STK24: variants seen among roughly 807,000 people sequenced by gnomAD.
The protein encoded by STK24 is serine/threonine-protein kinase 24.
A neutral mutation model predicts 55.6 loss-of-function variants in STK24; 21 were observed. The observed-to-expected ratio is 0.38, with a 90% CI of 0.27 to 0.54. STK24 has a LOEUF of 0.54. Ranked by LOEUF, STK24 falls within the 20% of genes least tolerant of loss-of-function variation. The pLI is 0.79. For synonymous variants in STK24, 200 were observed against 215.2 expected (o/e 0.93, Z 0.62); for missense variants, 383 against 538.4 (o/e 0.71, Z 2.86).
chr13:98,488,574 C>T (rs546609429), intron 2 of STK24, among the ~76,000 whole-genome samples: 31 of 152,062 alleles, frequency 2.0e-4, no homozygotes, highest in East Asian at 1.2e-3. Context: ...TGGGAAAGTT[C>T]GCCTTCTGTA....
intron 2 of STK24, among the ~76,000 whole-genome samples, chr13:98,494,143 G>A (rs1165763540): frequency 6.9e-6 from 1 of 145,892 alleles, no homozygotes; most frequent in Non-Finnish European, 1.5e-5. Flanking sequence ...CGGGCACGGT[G>A]GCTCAAGCCT....
intron 2 of STK24, among the ~76,000 whole-genome samples, chr13:98,504,812 C>T (rs983928166): frequency 6.6e-6 from 1 of 152,168 alleles, no homozygotes; most frequent in African/African-American, 2.4e-5. Flanking sequence ...AAACAACAGC[C>T]TCCAGTACTC....
In STK24 at chr13:98,448,960, A is replaced by G. The variant is rs182924975; in HGVS notation, c.*4213T>C. On this transcript the variant is annotated 3_prime_UTR_variant, in exon 11 of 11. Transcript: ENST00000539966. ...CCAACCTACTTCTTGGTGCAAGTTG[A>G]CCAAATCGTTTTAAGTGGTAACTCT... 9 of 152,328 alleles carry G rather than the reference A, an allele frequency of 5.9e-5. No homozygotes were observed. The East Asian group carries it at 1.4e-3, about 23-fold the overall frequency. 9.4% of individuals were successfully genotyped at this position (152,328 alleles called of 1,614,324 possible). A position where few individuals can be genotyped will look rare whatever the true frequency, so the allele number is the denominator to read the frequency against.
At chr13:98,504,864 C>A (rs139386806) in intron 2 of STK24, among the ~76,000 whole-genome samples, 249 of 151,974 alleles carry the variant, frequency 1.6e-3, no homozygotes, top group African/African-American at 5.4e-3. Context: ...CAGGTTCGGG[C>A]TGATGAGGAA....
At chr13:98,497,969 A>G (rs1895310348) in intron 2 of STK24, among the ~76,000 whole-genome samples, 2 of 152,198 alleles carry the variant, frequency 1.3e-5, no homozygotes, top group African/African-American at 4.8e-5. Flanking sequence ...TCCCAAGCCC[A>G]CACCCCACTA....
rs1372795201 is a variant in STK24, at chr13:98,448,472, C to CCGACCT, written c.*4695_*4700dup. On this transcript the variant is annotated 3_prime_UTR_variant, in exon 11 of 11. Transcript: ENST00000539966. ...GTCTCCACAGCCGCGTTTTTTAACC[C>CCGACCT]CGACCTCTCAGCGTCTGAATGAACA... is the stretch of plus-strand genomic sequence containing the variant. The CCGACCT allele has an allele frequency of 3.1e-6, 2 of 635,154 alleles. No homozygotes were observed. Among genetic ancestry groups the CCGACCT allele is most frequent in the East Asian group, 5.6e-5 (2 of 36,000 alleles). The allele number at this position is 635,154 out of a possible 1,614,324, so 39.3% of individuals were successfully genotyped here.
At chr13:98,477,825 C>T (rs754099756) in intron 3 of STK24, among the ~76,000 whole-genome samples, 1 of 152,128 alleles carries the variant, frequency 6.6e-6, no homozygotes, top group Non-Finnish European at 1.5e-5. Context: ...AAAGCAACGG[C>T]AGAGCGGCCT....
chr13:98,542,102 C>T (rs893259372), intron 1 of STK24, among the ~76,000 whole-genome samples: 8 of 152,240 alleles, frequency 5.3e-5, no homozygotes, highest in African/African-American at 1.9e-4. Context: ...TTTCTTATCC[C>T]GACCTGAAGA....
chr13:98,490,015 T>C (rs1370143396), intron 2 of STK24, among the ~76,000 whole-genome samples: 1 of 152,118 alleles, frequency 6.6e-6, no homozygotes, highest in Admixed American at 6.5e-5. Context: ...GCACCCACAG[T>C]GGACAGGCAT....
At chr13:98,532,258 G>A (rs939293993) in intron 1 of STK24, among the ~76,000 whole-genome samples, 2 of 152,006 alleles carry the variant, frequency 1.3e-5, no homozygotes, top group African/African-American at 2.4e-5. Context: ...CAGGGGAGGA[G>A]GCACCTCCCG....
intron 6 of STK24, among the ~76,000 whole-genome samples, chr13:98,465,084 G>C (rs1302749854): frequency 6.6e-6 from 1 of 152,174 alleles, no homozygotes; most frequent in African/African-American, 2.4e-5. Context: ...CTTGAGGATG[G>C]CGATAGTGAC....
chr13:98,513,567 G>A (rs1895957093), intron 2 of STK24, among the ~76,000 whole-genome samples: 1 of 152,184 alleles, frequency 6.6e-6, no homozygotes, highest in Non-Finnish European at 1.5e-5. Flanking sequence ...AGATCTAGGT[G>A]GCTCGGTTCT....
rs567909342 is a variant in STK24, at chr13:98,471,859, C to T, written c.597+2962G>A. Among the ~76,000 whole-genome samples the T allele has an allele frequency of 1.1e-3, 161 of 152,292 alleles. 1 individual carries two copies. The highest frequency in any genetic ancestry group is 3.5e-3 in the African/African-American group (146 of 41,562). On this transcript the variant is annotated intron_variant, in intron 5 of 10. Coordinates refer to ENST00000539966, the MANE Select transcript of STK24 (RefSeq NM_001032296.4). ...TGTGAACCTAGGTGTGACTTGGGCA[C>T]GTGCCTTCATAACTACCATACAGAA...
chr13:98,488,160 G>GACACACACACAC lies in STK24; in HGVS notation c.274-5851_274-5840dup, dbSNP rs71213678. Among the ~76,000 whole-genome samples, 858 of 130,396 alleles carry GACACACACACAC rather than the reference G, an allele frequency of 6.6e-3. 10 individuals are homozygous for GACACACACACAC. Among genetic ancestry groups the GACACACACACAC allele is most frequent in the African/African-American group, 7.3e-3 (252 of 34,296 alleles). The allele number at this position is 130,396 out of a possible 152,430, so 85.5% of individuals were successfully genotyped here. Reference sequence around the variant, plus strand: ...GGCTGGTGTCATAAAAAGAGATGAAGACACACACACACACACACACACACA... The same window carrying GACACACACACAC: ...GGCTGGTGTCATAAAAAGAGATGAAGACACACACACACACACACACACACACACACACACACA... On this transcript the variant is annotated intron_variant, in intron 2 of 10. Coordinates refer to ENST00000539966, the MANE Select transcript of STK24 (RefSeq NM_001032296.4).
At chr13:98,488,160 GACACACACACAC>G (rs71213678) in intron 2 of STK24, among the ~76,000 whole-genome samples, 2,935 of 130,368 alleles carry the variant, frequency 0.023, 91 homozygotes, top group African/African-American at 0.075. Flanking sequence ...AAGAGATGAA[GACACACACACAC>G]ACACACACAC....
chr13:98,499,417 T>C (rs1895364138), intron 2 of STK24, among the ~76,000 whole-genome samples: 1 of 152,166 alleles, frequency 6.6e-6, no homozygotes, highest in African/African-American at 2.4e-5. Flanking sequence ...GTGTTCCCAC[T>C]TGGAGTGATT....
intron 1 of STK24, among the ~76,000 whole-genome samples, chr13:98,555,114 G>C (rs867139298): frequency 1.3e-5 from 2 of 151,856 alleles, no homozygotes; most frequent in African/African-American, 2.4e-5. Flanking sequence ...CACTTGATTG[G>C]TCTAGTGTGT....
intron 3 of STK24, among the ~76,000 whole-genome samples, chr13:98,480,116 T>C (rs1359453715): frequency 5.9e-5 from 9 of 152,226 alleles, no homozygotes; most frequent in African/African-American, 2.2e-4. Flanking sequence ...CAGCACTCCT[T>C]AAGCAGAAGT....
intron 2 of STK24, among the ~76,000 whole-genome samples, chr13:98,483,397 G>GA (rs202238146): frequency 4.0e-5 from 6 of 151,350 alleles, no homozygotes; most frequent in South Asian, 2.1e-4. Flanking sequence ...ACACATGGAG[G>GA]AAAAAAAAAG....
Sources: allele counts gnomAD v4.1 joint callset (sites outside exome capture counted in the v4.1 genomes callset), GRCh38; gene constraint gnomAD v4.1.1; transcripts MANE v1.5; gene names NCBI Gene and HGNC (gene_info 2026-07-23, HGNC 2026-07-21).